The following KHDRBS2 variants were observed in gnomAD, a reference collection of about 807,000 sequenced individuals.
KHDRBS2 encodes the protein KH RNA binding domain containing, signal transduction associated 2, also known as KH domain-containing, RNA-binding, signal transduction-associated protein 2.
A neutral mutation model predicts 44.3 loss-of-function variants in KHDRBS2; 26 were observed. The ratio of observed to expected loss-of-function variants is 0.59; its 90% CI spans 0.43 to 0.81. The LOEUF is 0.81. KHDRBS2 is among the 40% of genes least tolerant of loss of function. The pLI is 0.00. For missense variants in KHDRBS2, 476 were observed against 433.1 expected, an observed-to-expected ratio of 1.10 and a Z score of -0.88; for synonymous variants, 194 against 151.1, an observed-to-expected ratio of 1.28 and a Z score of -2.08.
rs1384661156 is a variant in KHDRBS2 at position 61,680,096 on chromosome 6, T to C, written c.*867A>G. On this transcript the variant is annotated 3_prime_UTR_variant, in exon 9 of 9. Transcript: ENST00000281156. ...TTATTTAACAACCATAAGTTATTAA[T>C]ACATTTTTAAGTATTACACAAATAT... is the stretch of plus-strand genomic sequence containing the variant. The C allele has an allele frequency of 2.0e-5, 3 of 152,488 alleles. No homozygotes were observed. The highest frequency in any genetic ancestry group is 3.9e-4 in the East Asian group (2 of 5,138). The allele number at this position is 152,488 out of a possible 1,614,324, so 9.4% of individuals were successfully genotyped here. A position where few individuals can be genotyped will look rare whatever the true frequency, so the allele number is the denominator to read the frequency against.
chr6:62,139,312 G>A (rs1812250194), intron 2 of KHDRBS2, among the ~76,000 whole-genome samples: 1 of 151,996 alleles, frequency 6.6e-6, no homozygotes, highest in African/African-American at 2.4e-5. Flanking sequence ...CAGCACTTTG[G>A]GATGCCGAGG....
intron 1 of KHDRBS2, among the ~76,000 whole-genome samples, chr6:62,223,887 T>A (rs1831316548): frequency 6.6e-6 from 1 of 152,168 alleles, no homozygotes; most frequent in South Asian, 2.1e-4. Context: ...TGGTGAAAGC[T>A]ATTCAACAAG....
intron 1 of KHDRBS2, among the ~76,000 whole-genome samples, chr6:62,218,778 T>C (rs1830422255): frequency 6.6e-6 from 1 of 151,786 alleles, no homozygotes; most frequent in South Asian, 2.1e-4. Flanking sequence ...TAAGTATCCA[T>C]CAACAGATAA....
At chr6:61,784,786 A>C (rs1453486602) in intron 6 of KHDRBS2, among the ~76,000 whole-genome samples, 1 of 152,142 alleles carries the variant, frequency 6.6e-6, no homozygotes, top group Middle Eastern at 3.2e-3. Context: ...CAGTAATGTT[A>C]GTGTTTCATT....
chr6:61,589,633 GT>G, the KHDRBS2 span, among the ~76,000 whole-genome samples: 1 of 152,106 alleles, frequency 6.6e-6, no homozygotes, highest in African/African-American at 2.4e-5. Flanking sequence ...TGAGCAAACT[GT>G]GGACTGGATA....
intron 2 of KHDRBS2, among the ~76,000 whole-genome samples, chr6:62,052,702 A>C (rs1363558169): frequency 6.6e-6 from 1 of 152,022 alleles, no homozygotes; most frequent in East Asian, 1.9e-4. Flanking sequence ...AGATTCTCAT[A>C]AGGAATGCAA....
At chr6:61,554,043 C>G in the KHDRBS2 span, among the ~76,000 whole-genome samples, 1 of 151,984 alleles carries the variant, frequency 6.6e-6, no homozygotes, top group Non-Finnish European at 1.5e-5. Context: ...GAGTTCATGT[C>G]TTGTATATTT....
chr6:61,773,018 A>G (rs1781247174), intron 6 of KHDRBS2, among the ~76,000 whole-genome samples: 2 of 152,024 alleles, frequency 1.3e-5, no homozygotes, highest in South Asian at 2.1e-4. Context: ...TATGTGCCAC[A>G]TTTTCTTCAT....
At chr6:62,186,884 T>A (rs1823542763) in intron 1 of KHDRBS2, among the ~76,000 whole-genome samples, 1 of 152,132 alleles carries the variant, frequency 6.6e-6, no homozygotes, top group Non-Finnish European at 1.5e-5. Context: ...CTACATGTAG[T>A]CGTCCCATTT....
At chr6:61,689,982 A>G (rs1767216907) in intron 8 of KHDRBS2, among the ~76,000 whole-genome samples, 1 of 152,022 alleles carries the variant, frequency 6.6e-6, no homozygotes, top group Non-Finnish European at 1.5e-5. Flanking sequence ...TTTAGTCCAG[A>G]GCATTTAACA....
intron 2 of KHDRBS2, among the ~76,000 whole-genome samples, chr6:62,142,766 T>C (rs1562950293): frequency 6.6e-6 from 1 of 151,702 alleles, no homozygotes; most frequent in African/African-American, 2.4e-5. Context: ...CTAAAAATGA[T>C]CTTCATATTT....
chr6:61,827,995 T>C (rs185369770), intron 6 of KHDRBS2, among the ~76,000 whole-genome samples: 64 of 152,028 alleles, frequency 4.2e-4, no homozygotes, highest in African/African-American at 1.4e-3. Context: ...ACAATTTAAA[T>C]CCCCCCTGTT....
At chr6:62,264,034 C>T (rs369991418) in intron 1 of KHDRBS2, among the ~76,000 whole-genome samples, 1 of 151,682 alleles carries the variant, frequency 6.6e-6, no homozygotes, top group Non-Finnish European at 1.5e-5. Flanking sequence ...AATCTGAAAA[C>T]ATCAACCAGA....
chr6:62,063,953 T>C (rs937481290), intron 2 of KHDRBS2, among the ~76,000 whole-genome samples: 1 of 147,642 alleles, frequency 6.8e-6, no homozygotes, highest in Non-Finnish European at 1.5e-5. Flanking sequence ...AAAATCAATG[T>C]ACAAAAATCA....
chr6:61,726,461 T>C (rs758518059), intron 7 of KHDRBS2, among the ~76,000 whole-genome samples: 2 of 152,040 alleles, frequency 1.3e-5, no homozygotes, highest in Non-Finnish European at 2.9e-5. Flanking sequence ...CATATTCAAA[T>C]AGGGAGAGAA....
At chr6:61,556,622 G>C in the KHDRBS2 span, among the ~76,000 whole-genome samples, 1 of 151,838 alleles carries the variant, frequency 6.6e-6, no homozygotes, top group Admixed American at 6.6e-5. Context: ...ACCTAATTCA[G>C]CTTACAGCAT....
chr6:62,177,326 A>C lies in KHDRBS2; in HGVS notation c.92-14T>G. On this transcript the variant is annotated splice_polypyrimidine_tract_variant and intron_variant, in intron 1 of 8. Coordinates refer to ENST00000281156, the MANE Select transcript of KHDRBS2 (RefSeq NM_152688.4). The stretch of plus-strand genomic sequence containing the variant: ...ACTTTTCAATTTCTGGAAGAAAATC[A>C]CAAGAAGAAAACAAGTGAAATGAGG... 1 of 1,575,098 alleles carries C rather than the reference A, an allele frequency of 6.3e-7. No individual in the cohort carries two copies. The highest frequency in any genetic ancestry group is 8.7e-7 in the Non-Finnish European group (1 of 1,155,338).
At chr6:61,897,758 C>A (rs1373060645) in intron 5 of KHDRBS2, among the ~76,000 whole-genome samples, 1 of 152,022 alleles carries the variant, frequency 6.6e-6, no homozygotes, top group African/African-American at 2.4e-5. Flanking sequence ...TCTTCTGCAT[C>A]AACCACAGTG....
intron 6 of KHDRBS2, among the ~76,000 whole-genome samples, chr6:61,841,342 G>T (rs1470761255): frequency 6.6e-6 from 1 of 151,516 alleles, no homozygotes; most frequent in Non-Finnish European, 1.5e-5. Context: ...GGAAATTTTG[G>T]GTACATACTT....
Sources: allele counts gnomAD v4.1 joint callset (sites outside exome capture counted in the v4.1 genomes callset), GRCh38; gene constraint gnomAD v4.1.1; transcripts MANE v1.5; gene names NCBI Gene and HGNC (gene_info 2026-07-23, HGNC 2026-07-21).